The following PREX2 variants were observed in gnomAD, a reference collection of about 807,000 sequenced individuals.
PREX2 encodes the protein phosphatidylinositol 3,4,5-trisphosphate-dependent Rac exchanger 2 protein.
In PREX2, 107 loss-of-function variants were observed where a neutral mutation model predicts 203.2. That is an observed-to-expected ratio of 0.53 (90% confidence interval 0.45 to 0.62). The LOEUF (loss-of-function observed/expected upper bound fraction) is 0.62. Among genes scored for constraint, PREX2 ranks in the 20% least tolerant of loss-of-function variants. The probability of loss-of-function intolerance (pLI) is 0.00; values close to 1 mark genes in which losing one functional copy is unlikely to be tolerated. For synonymous variants in PREX2, 672 were observed against 663.6 expected (o/e 1.01, Z -0.19); for missense variants, 1,777 against 1,955.9 (o/e 0.91, Z 1.72).
chr8:67,974,649 T>C (rs988833009), intron 1 of PREX2, among the ~76,000 whole-genome samples: 2 of 152,190 alleles, frequency 1.3e-5, no homozygotes, highest in African/African-American at 4.8e-5. Flanking sequence ...TCCTACTATT[T>C]ATCATGCAAA....
Position 68,109,745 on chromosome 8 carries a change from A to G in PREX2, c.3146+122A>G, listed in dbSNP as rs978633193. The G allele has an allele frequency of 1.3e-5, 10 of 763,828 alleles. No homozygotes were observed. The Admixed American group carries it at 1.7e-4, about 13-fold the overall frequency. The allele number at this position is 763,828 out of a possible 1,614,324, so 47.3% of individuals were successfully genotyped here. Reference sequence around the variant, plus strand: ...AATTTAGGAGATTTGTGCTGATTATATAGATCCTCTTCATTCCAAAACCTT... The same window carrying G: ...AATTTAGGAGATTTGTGCTGATTATGTAGATCCTCTTCATTCCAAAACCTT... On this transcript the variant is annotated intron_variant, in intron 25 of 39. Coordinates refer to ENST00000288368, the MANE Select transcript of PREX2 (RefSeq NM_024870.4).
intron 6 of PREX2, among the ~76,000 whole-genome samples, chr8:68,035,410 G>C (rs1245090392): frequency 6.6e-6 from 1 of 152,074 alleles, no homozygotes; most frequent in African/African-American, 2.4e-5. Context: ...TACGAGTGGG[G>C]ATGTTTCAAG....
intron 21 of PREX2, among the ~76,000 whole-genome samples, chr8:68,095,232 G>T (rs1810021847): frequency 6.6e-6 from 1 of 151,974 alleles, no homozygotes; most frequent in Non-Finnish European, 1.5e-5. Context: ...TCAGCCATTG[G>T]TGACTAAACT....
intron 1 of PREX2, among the ~76,000 whole-genome samples, chr8:68,006,436 T>C (rs973716655): frequency 2.0e-5 from 3 of 152,228 alleles, no homozygotes; most frequent in Admixed American, 6.5e-5. Flanking sequence ...AAGTCAGTTA[T>C]ATCCTATTAG....
At chr8:68,138,907 A>G (rs572440101) in intron 33 of PREX2, among the ~76,000 whole-genome samples, 1 of 152,278 alleles carries the variant, frequency 6.6e-6, no homozygotes, top group Admixed American at 6.5e-5. Context: ...AAGCTTCTTC[A>G]GGTTTTATTT....
Position 68,236,311 on chromosome 8 carries a change from A to G in PREX2, c.*4933A>G, listed in dbSNP as rs764289055. 9 of 152,200 alleles carry G rather than the reference A, an allele frequency of 5.9e-5. No homozygotes were observed. The highest frequency in any genetic ancestry group is 1.0e-4 in the Non-Finnish European group (7 of 68,032). The allele number at this position is 152,200 out of a possible 1,614,324, so 9.4% of individuals were successfully genotyped here. On this transcript the variant is annotated 3_prime_UTR_variant, in exon 40 of 40. Transcript: ENST00000288368. ...TTTGGAGAGTTAATTTTAGGTGCGA[A>G]TAACAGGATAAATGCTATCTGATCA...
At chr8:68,184,537 CAGG>C (rs1304463634) in intron 35 of PREX2, among the ~76,000 whole-genome samples, 1 of 152,112 alleles carries the variant, frequency 6.6e-6, no homozygotes, top group Non-Finnish European at 1.5e-5. Context: ...GAAGCAATAT[CAGG>C]AGAAGTATAT....
intron 6 of PREX2, among the ~76,000 whole-genome samples, chr8:68,037,618 G>T (rs957520261): frequency 5.9e-5 from 9 of 152,222 alleles, no homozygotes; most frequent in African/African-American, 2.2e-4. Context: ...GAGTGCCTTT[G>T]CCAACTTCTA....
rs1233634262 is a variant in PREX2 at position 68,195,655 on chromosome 8, T to A, written c.4604+3130T>A. On this transcript the variant is annotated intron_variant, in intron 37 of 39. Coordinates refer to ENST00000288368, the MANE Select transcript of PREX2 (RefSeq NM_024870.4). ...GCCAGATCCACACCTGCAAGCAACA[T>A]TAAACACGGAGGTTTACCCTCAGGT... Among the ~76,000 whole-genome samples, 5 of 152,258 alleles carry A rather than the reference T, an allele frequency of 3.3e-5. No individual in the cohort carries two copies. In the East Asian group the frequency reaches 9.6e-4, roughly 29 times the overall value.
chr8:68,034,121 G>A (rs1192082344), intron 6 of PREX2, among the ~76,000 whole-genome samples: 1 of 152,112 alleles, frequency 6.6e-6, no homozygotes, highest in East Asian at 1.9e-4. Context: ...CAGCATTTAT[G>A]TGGTAACTGC....
At chr8:68,063,693 C>T (rs1245735560) in intron 11 of PREX2, among the ~76,000 whole-genome samples, 1 of 152,100 alleles carries the variant, frequency 6.6e-6, no homozygotes, top group African/African-American at 2.4e-5. Context: ...GTATTTCTGC[C>T]TTTCTAGAAG....
At chr8:68,037,276 A>G (rs980552887) in intron 6 of PREX2, among the ~76,000 whole-genome samples, 2 of 152,234 alleles carry the variant, frequency 1.3e-5, no homozygotes, top group African/African-American at 4.8e-5. Flanking sequence ...CAGAGCACAC[A>G]TATAGATCTT....
At chr8:68,196,838 C>T (rs1001855788) in intron 37 of PREX2, among the ~76,000 whole-genome samples, 1 of 152,036 alleles carries the variant, frequency 6.6e-6, no homozygotes, top group Non-Finnish European at 1.5e-5. Context: ...GCAGAAACCA[C>T]GTTTCCCATG....
intron 15 of PREX2, 93 bp downstream of exon 15, chr8:68,077,562 A>T (rs933889213): frequency 4.9e-5 from 46 of 939,340 alleles, no homozygotes; most frequent in Non-Finnish European, 7.9e-5. Context: ...GAGGTCATTT[A>T]GGGATGAGCC....
chr8:68,230,208 G>A (rs1359235438), intron 39 of PREX2, among the ~76,000 whole-genome samples: 1 of 152,158 alleles, frequency 6.6e-6, no homozygotes, highest in Admixed American at 6.5e-5. Flanking sequence ...TAATTAGCAT[G>A]GGATTAAATG....
intron 1 of PREX2, among the ~76,000 whole-genome samples, chr8:67,974,957 A>G (rs2129608938): frequency 6.6e-6 from 1 of 152,292 alleles, no homozygotes; most frequent in South Asian, 2.1e-4. Flanking sequence ...GTGGTGACTC[A>G]GAATTAGCTC....
chr8:68,008,033 G>A (rs181951691), intron 1 of PREX2, among the ~76,000 whole-genome samples: 5 of 152,252 alleles, frequency 3.3e-5, no homozygotes, highest in African/African-American at 1.2e-4. Flanking sequence ...TACTTGTATG[G>A]TCACACATCT....
intron 24 of PREX2, chr8:68,108,977 A>G (rs1356803462): frequency 4.5e-6 from 2 of 444,004 alleles, no homozygotes; most frequent in Admixed American, 2.5e-5. Flanking sequence ...GATCTCATTT[A>G]TATGAGAAAT....
chr8:67,995,340 A>G (rs554432112), intron 1 of PREX2, among the ~76,000 whole-genome samples: 3 of 152,182 alleles, frequency 2.0e-5, no homozygotes, highest in Non-Finnish European at 4.4e-5. Flanking sequence ...AAGATAAGTG[A>G]TGGGCACTTT....
Sources: gnomAD v4.1 joint callset for allele counts (sites outside exome capture counted in the v4.1 genomes callset) on GRCh38, gnomAD v4.1.1 for gene constraint, MANE v1.5 for transcripts, NCBI Gene and HGNC (gene_info 2026-07-23, HGNC 2026-07-21) for gene names.